Variants in RNF13 observed in about 807,000 individuals in gnomAD.
The protein encoded by RNF13 is E3 ubiquitin-protein ligase RNF13.
A neutral mutation model predicts 37.7 loss-of-function variants in RNF13; 19 were observed. The ratio of observed to expected loss-of-function variants is 0.50; its 90% CI spans 0.35 to 0.74. The LOEUF (loss-of-function observed/expected upper bound fraction) is 0.74. RNF13 is among the 30% of genes least tolerant of loss of function. The pLI is 0.01. For missense variants in RNF13, 375 were observed against 453.0 expected, an observed-to-expected ratio of 0.83 and a Z score of 1.56; for synonymous variants, 144 against 157.8, an observed-to-expected ratio of 0.91 and a Z score of 0.65.
chr3:149,834,078 A>G (rs1401874795), intron 1 of RNF13, among the ~76,000 whole-genome samples: 1 of 152,354 alleles, frequency 6.6e-6, no homozygotes, highest in East Asian at 1.9e-4. Context: ...AGAATTGTAC[A>G]CTGAAAATTG....
intron 8 of RNF13, among the ~76,000 whole-genome samples, chr3:149,926,476 C>G (rs1421635090): frequency 6.6e-6 from 1 of 152,134 alleles, no homozygotes; most frequent in Non-Finnish European, 1.5e-5. Flanking sequence ...TCCCAAAGTG[C>G]TGGGATTACA....
chr3:149,950,698 A>G (rs77592017), intron 8 of RNF13, among the ~76,000 whole-genome samples: 2,063 of 151,820 alleles, frequency 0.014, 42 homozygotes, highest in African/African-American at 0.047. Flanking sequence ...CTGGTCTTCA[A>G]CATCTGGAAT....
intron 8 of RNF13, among the ~76,000 whole-genome samples, chr3:149,953,718 TC>T (rs1468865421): frequency 6.6e-6 from 1 of 152,122 alleles, no homozygotes; most frequent in Non-Finnish European, 1.5e-5. Context: ...GAATTCTGGA[TC>T]CCCCATTTAT....
chr3:149,828,652 T>C (rs146427739), intron 1 of RNF13, among the ~76,000 whole-genome samples: 2 of 152,322 alleles, frequency 1.3e-5, no homozygotes, highest in East Asian at 1.9e-4. Context: ...CTGTTTTTCT[T>C]AGCACTCCTA....
intron 2 of RNF13, among the ~76,000 whole-genome samples, chr3:149,849,502 C>T (rs191368423): frequency 2.0e-5 from 3 of 152,154 alleles, no homozygotes; most frequent in Non-Finnish European, 4.4e-5. Flanking sequence ...AGCTCTACCA[C>T]TCTATTTGCA....
At chr3:149,854,423 A>G (rs1412400522) in intron 3 of RNF13, among the ~76,000 whole-genome samples, 4 of 152,198 alleles carry the variant, frequency 2.6e-5, no homozygotes, top group African/African-American at 7.2e-5. Flanking sequence ...ATGCTTTTTC[A>G]TTCTTTTTTG....
rs140611056 is a variant in RNF13 at position 149,840,095 on chromosome 3, G to A, written c.-16-5916G>A. Among the ~76,000 whole-genome samples, 299 of 152,174 alleles carry A rather than the reference G, an allele frequency of 2.0e-3. 2 individuals are homozygous for A. Among genetic ancestry groups the A allele is most frequent in the African/African-American group, 6.8e-3 (281 of 41,516 alleles). ...GTTAGAACTGGTTTAAAACAGTTTC[G>A]CAAGAATACATCTTAAGTGTTATAA... On this transcript the variant is annotated intron_variant, in intron 1 of 9. Coordinates refer to ENST00000392894, the MANE Select transcript of RNF13 (RefSeq NM_183381.3).
At chr3:149,881,742 C>T (rs1187439209) in intron 4 of RNF13, among the ~76,000 whole-genome samples, 1 of 152,104 alleles carries the variant, frequency 6.6e-6, no homozygotes, top group Non-Finnish European at 1.5e-5. Flanking sequence ...ATTTTACTAG[C>T]CCTACCAAAA....
chr3:149,825,300 C>T (rs955770212), intron 1 of RNF13, among the ~76,000 whole-genome samples: 7 of 151,836 alleles, frequency 4.6e-5, no homozygotes, highest in African/African-American at 1.7e-4. Context: ...CCTAAGTAGC[C>T]GGGATTACAG....
chr3:149,938,274 T>C (rs924977248), intron 8 of RNF13, among the ~76,000 whole-genome samples: 2 of 151,820 alleles, frequency 1.3e-5, no homozygotes, highest in Non-Finnish European at 1.5e-5. Context: ...GCCTCCCAGG[T>C]TCAAGCAATT....
chr3:149,892,993 G>A (rs989945329), intron 4 of RNF13, among the ~76,000 whole-genome samples: 2 of 152,202 alleles, frequency 1.3e-5, no homozygotes, highest in East Asian at 3.9e-4. Context: ...GGAATTTGAA[G>A]TACTGACAGG....
intron 3 of RNF13, among the ~76,000 whole-genome samples, chr3:149,855,068 A>G (rs961766133): frequency 6.6e-6 from 1 of 152,192 alleles, no homozygotes; most frequent in African/African-American, 2.4e-5. Flanking sequence ...TCACATCTGC[A>G]GTCCCAGCAC....
chr3:149,849,477 T>A (rs1395542214), intron 2 of RNF13, among the ~76,000 whole-genome samples: 1 of 152,198 alleles, frequency 6.6e-6, no homozygotes, highest in Non-Finnish European at 1.5e-5. Context: ...GGATTTATAA[T>A]CAGAGTTGAA....
At chr3:149,954,410 A>G (rs1721657595) in intron 8 of RNF13, among the ~76,000 whole-genome samples, 1 of 151,824 alleles carries the variant, frequency 6.6e-6, no homozygotes, top group Non-Finnish European at 1.5e-5. Flanking sequence ...CCTTACCCTT[A>G]CTCCTTACCC....
intron 4 of RNF13, 183 bp from the exon 5 acceptor site, chr3:149,895,290 A>G: frequency 2.2e-6 from 1 of 460,648 alleles, no homozygotes; most frequent in Non-Finnish European, 3.8e-6. Flanking sequence ...GTAACTCCTA[A>G]GCCTGATTAC....
intron 8 of RNF13, among the ~76,000 whole-genome samples, chr3:149,926,360 C>T (rs966480973): frequency 3.3e-5 from 5 of 152,004 alleles, no homozygotes; most frequent in Admixed American, 2.6e-4. Context: ...TACAGGCGCC[C>T]GCCACCATGC....
At chr3:149,829,018 A>G (rs1720772394) in intron 1 of RNF13, among the ~76,000 whole-genome samples, 1 of 152,216 alleles carries the variant, frequency 6.6e-6, no homozygotes, top group African/African-American at 2.4e-5. Context: ...CACATCTCAT[A>G]TATACTGAGT....
At chr3:149,955,061 G>A (rs1049641242) in intron 8 of RNF13, among the ~76,000 whole-genome samples, 2 of 152,108 alleles carry the variant, frequency 1.3e-5, no homozygotes, top group Non-Finnish European at 2.9e-5. Flanking sequence ...AAAGCAGCCA[G>A]ATCCCTGAAA....
At chr3:149,826,089 C>T (rs144855524) in intron 1 of RNF13, among the ~76,000 whole-genome samples, 1 of 152,128 alleles carries the variant, frequency 6.6e-6, no homozygotes, top group Non-Finnish European at 1.5e-5. Context: ...TGGAGTGGCT[C>T]CAGCAGATAG....
Sources: gnomAD v4.1 joint callset for allele counts (sites outside exome capture counted in the v4.1 genomes callset) on GRCh38, gnomAD v4.1.1 for gene constraint, MANE v1.5 for transcripts, NCBI Gene and HGNC (gene_info 2026-07-23, HGNC 2026-07-21) for gene names.